Variants in KCNMA1 observed in about 807,000 individuals in gnomAD.
The protein encoded by KCNMA1 is potassium calcium-activated channel subfamily M alpha 1.
A neutral mutation model predicts 140.0 loss-of-function variants in KCNMA1; 29 were observed. That is an observed-to-expected ratio of 0.21 (90% CI 0.15 to 0.28). The LOEUF is 0.28. Ranked by LOEUF, KCNMA1 falls within the 10% of genes least tolerant of loss-of-function variation. The pLI is 1.00. For synonymous variants in KCNMA1, 612 were observed against 611.9 expected (o/e 1.00, Z 0.00); for missense variants, 880 against 1,602.2 (o/e 0.55, Z 7.70).
In KCNMA1 at chr10:76,924,740, T is replaced by A. The variant is rs555944183; in HGVS notation, c.2903-9691A>T. Among the ~76,000 whole-genome samples the A allele has an allele frequency of 3.1e-3, 471 of 151,136 alleles. 2 individuals carry two copies. The highest frequency in any genetic ancestry group is 3.4e-3 in the Middle Eastern group (1 of 294). ...TTAAAAGAACAGGGCCCAGAGAGAG[T>A]TTTCAGGCTTCCTAGTTCTCTGTTA... On this transcript the variant is annotated intron_variant, in intron 23 of 27. Transcript: ENST00000286628.
At chr10:77,317,390 T>C (rs1353345930) in intron 2 of KCNMA1, among the ~76,000 whole-genome samples, 1 of 152,242 alleles carries the variant, frequency 6.6e-6, no homozygotes, top group Non-Finnish European at 1.5e-5. Flanking sequence ...TCTTTTGTGG[T>C]TACATTCCAG....
At chr10:77,300,680 T>C (rs1353485100) in intron 2 of KCNMA1, among the ~76,000 whole-genome samples, 1 of 152,226 alleles carries the variant, frequency 6.6e-6, no homozygotes, top group East Asian at 1.9e-4. Context: ...TACCATTTCA[T>C]GCATAGTAAT....
intron 14 of KCNMA1, among the ~76,000 whole-genome samples, chr10:77,052,826 C>G (rs1463080803): frequency 6.6e-6 from 1 of 151,908 alleles, no homozygotes; most frequent in Non-Finnish European, 1.5e-5. Flanking sequence ...TCAAGCAGAC[C>G]CATGCTTTTT....
chr10:76,950,923 C>A (rs1399335982), intron 21 of KCNMA1, among the ~76,000 whole-genome samples: 1 of 152,208 alleles, frequency 6.6e-6, no homozygotes, highest in Non-Finnish European at 1.5e-5. Flanking sequence ...CATATCCCCA[C>A]TTCCTGCAGA....
chr10:77,030,370 T>A (rs888082557), intron 15 of KCNMA1, among the ~76,000 whole-genome samples: 7 of 152,196 alleles, frequency 4.6e-5, no homozygotes, highest in Non-Finnish European at 7.3e-5. Flanking sequence ...ATTGTTTTTT[T>A]AAAAAATAAG....
intron 1 of KCNMA1, among the ~76,000 whole-genome samples, chr10:77,440,135 G>T (rs889428963): frequency 6.6e-6 from 1 of 152,022 alleles, no homozygotes; most frequent in Non-Finnish European, 1.5e-5. Flanking sequence ...TACAAATGAC[G>T]CCACACCAAA....
chr10:77,095,818 C>T (rs181600047), intron 9 of KCNMA1, among the ~76,000 whole-genome samples: 129 of 152,262 alleles, frequency 8.5e-4, no homozygotes, highest in Non-Finnish European at 1.7e-3. Flanking sequence ...CTCAATTCCA[C>T]AGGTACACAG....
chr10:77,431,900 C>A (rs548644679), intron 1 of KCNMA1, among the ~76,000 whole-genome samples: 1 of 151,532 alleles, frequency 6.6e-6, no homozygotes, highest in Non-Finnish European at 1.5e-5. Context: ...GGTTGAGGCA[C>A]GGGAATCACT....
chr10:77,205,973 T>C (rs920505750), intron 3 of KCNMA1, among the ~76,000 whole-genome samples: 1 of 152,186 alleles, frequency 6.6e-6, no homozygotes, highest in Admixed American at 6.5e-5. Context: ...TTGTTTATTA[T>C]GAGCAACAGA....
rs184820266 is a variant in KCNMA1 at position 76,887,241 on chromosome 10, C to A, written c.*25G>T. 3.7e-5 allele frequency: 59 copies of A among 1,613,936 alleles called. No individual in the cohort carries two copies. In the Admixed American group the frequency reaches 7.8e-4, roughly 21 times the overall value. ...GGGAAATGAGTGGCAGATACAGTTTCACACAGTGGCGGTGGATACACATAT... is the reference window on the plus strand; with the variant it reads ...GGGAAATGAGTGGCAGATACAGTTTAACACAGTGGCGGTGGATACACATAT... On this transcript the variant is annotated 3_prime_UTR_variant, in exon 28 of 28. Transcript: ENST00000286628.
chr10:77,338,983 A>G (rs1169449015), intron 2 of KCNMA1, among the ~76,000 whole-genome samples: 1 of 152,178 alleles, frequency 6.6e-6, no homozygotes, highest in Non-Finnish European at 1.5e-5. Context: ...TCATGCATGT[A>G]TTCTCAATGG....
At chr10:76,936,627 G>T (rs2060624257) in intron 23 of KCNMA1, among the ~76,000 whole-genome samples, 1 of 152,164 alleles carries the variant, frequency 6.6e-6, no homozygotes. Context: ...ATTCTTCTCT[G>T]ACTTCAAGGA....
intron 1 of KCNMA1, among the ~76,000 whole-genome samples, chr10:77,532,722 AT>A (rs1293307737): frequency 6.6e-6 from 1 of 152,224 alleles, no homozygotes; most frequent in African/African-American, 2.4e-5. Context: ...CAACCTCTTC[AT>A]TTTACAGATA....
At chr10:77,432,280 T>G (rs1449496667) in intron 1 of KCNMA1, among the ~76,000 whole-genome samples, 1 of 152,248 alleles carries the variant, frequency 6.6e-6, no homozygotes, top group East Asian at 1.9e-4. Context: ...CAGTCACTTA[T>G]GAGCACTATT....
intron 25 of KCNMA1, among the ~76,000 whole-genome samples, chr10:76,908,413 TA>T (rs2048682869): frequency 6.6e-6 from 1 of 152,264 alleles, no homozygotes; most frequent in Non-Finnish European, 1.5e-5. Context: ...GAAGCCCAGT[TA>T]ACCTTAATTC....
intron 1 of KCNMA1, among the ~76,000 whole-genome samples, chr10:77,516,658 G>A (rs1032374853): frequency 2.6e-5 from 4 of 152,370 alleles, no homozygotes; most frequent in Admixed American, 6.5e-5. Context: ...CTGGACCTCT[G>A]CCTCCTCCTT....
intron 5 of KCNMA1, among the ~76,000 whole-genome samples, chr10:77,149,027 T>C (rs1412109467): frequency 2.0e-5 from 3 of 152,244 alleles, no homozygotes; most frequent in African/African-American, 7.2e-5. Context: ...TTCAGTTATA[T>C]AGAAATCATT....
chr10:77,569,909 A>G (rs1383033396), intron 1 of KCNMA1, among the ~76,000 whole-genome samples: 1 of 152,202 alleles, frequency 6.6e-6, no homozygotes, highest in Non-Finnish European at 1.5e-5. Context: ...AAACAACCCC[A>G]TCAAAAAGTG....
At chr10:77,631,085 C>A (rs1209195814) in intron 1 of KCNMA1, among the ~76,000 whole-genome samples, 1 of 111,318 alleles carries the variant, frequency 9.0e-6, no homozygotes, top group Non-Finnish European at 1.7e-5. Flanking sequence ...CCAGCCTGGG[C>A]AACAGAGTGA....
Sources: allele counts gnomAD v4.1 joint callset (sites outside exome capture counted in the v4.1 genomes callset), GRCh38; gene constraint gnomAD v4.1.1; transcripts MANE v1.5; gene names NCBI Gene and HGNC (gene_info 2026-07-23, HGNC 2026-07-21).